The following PLAAT3 variants were observed in gnomAD, a reference collection of about 807,000 sequenced individuals.
PLAAT3 encodes Ca-independent phospholipase A1/2.
Under a neutral mutation model 16.7 loss-of-function variants are expected in PLAAT3, and 21 were observed. The ratio of observed to expected loss-of-function variants is 1.26; its 90% CI spans 0.89 to 1.81. PLAAT3 has a LOEUF of 1.81. Among genes scored for constraint, PLAAT3 ranks in the 40% most tolerant of loss-of-function variants. PLAAT3 has a pLI of 0.00. For missense variants in PLAAT3, 219 were observed against 213.7 expected (o/e 1.02, Z -0.16); for synonymous variants, 76 against 81.7 (o/e 0.93, Z 0.38).
chr11:63,612,589 A>C (rs1938720572), intron 2 of PLAAT3, among the ~76,000 whole-genome samples: 1 of 152,250 alleles, frequency 6.6e-6, no homozygotes, highest in South Asian at 2.1e-4. Context: ...CTGACCATGA[A>C]TATGCAAAGA....
At chr11:63,584,137 G>A (rs569312564) in intron 4 of PLAAT3, among the ~76,000 whole-genome samples, 185 of 152,152 alleles carry the variant, frequency 1.2e-3, no homozygotes, top group Non-Finnish European at 2.4e-3. Context: ...TAAAAATTTG[G>A]TTTCATTTAC....
In PLAAT3 at chr11:63,574,789, C is replaced by T. The variant is rs1453339485; in HGVS notation, c.*156G>A. ...CCAGGCAGTTCTTGCTGCACTTCCCCCAATAAAATCCTCCCTCGTTTTGCT... is the reference window on the plus strand; with the variant it reads ...CCAGGCAGTTCTTGCTGCACTTCCCTCAATAAAATCCTCCCTCGTTTTGCT... On this transcript the variant is annotated 3_prime_UTR_variant, in exon 5 of 5. Coordinates refer to ENST00000415826, the MANE Select transcript of PLAAT3 (RefSeq NM_001128203.2). 17 of 607,422 alleles carry T rather than the reference C, an allele frequency of 2.8e-5. No individual in the cohort carries two copies. Among genetic ancestry groups the T allele is most frequent in the Non-Finnish European group, 4.7e-5 (16 of 337,626 alleles). 37.6% of individuals were successfully genotyped at this position (607,422 alleles called of 1,614,324 possible). A position where few individuals can be genotyped will look rare whatever the true frequency, so the allele number is the denominator to read the frequency against.
intron 2 of PLAAT3, among the ~76,000 whole-genome samples, chr11:63,605,049 T>C (rs1350861632): frequency 1.3e-5 from 2 of 152,188 alleles, no homozygotes; most frequent in African/African-American, 2.4e-5. Context: ...ATGAGTATCT[T>C]TTAAGTTTAC....
At chr11:63,597,277 C>A (rs1172915561) in intron 3 of PLAAT3, among the ~76,000 whole-genome samples, 1 of 152,116 alleles carries the variant, frequency 6.6e-6, no homozygotes, top group Non-Finnish European at 1.5e-5. Context: ...GCAATCCCAG[C>A]ATTTTGGGAG....
rs1227168222 is a variant in PLAAT3, at chr11:63,603,731, CACACACACACACACACACACACAG to C, written c.16-5592_16-5569del. ...ACACACACACACACACACACACACA[CACACACACACACACACACACACAG>C]ACAGAGATATTAGAGAGAGTAAGGT... On this transcript the variant is annotated intron_variant, in intron 2 of 4. Coordinates refer to ENST00000415826, the MANE Select transcript of PLAAT3 (RefSeq NM_001128203.2). Among the ~76,000 whole-genome samples the C allele has an allele frequency of 8.1e-4, 114 of 140,632 alleles. 1 individual carries two copies. The South Asian group carries it at 0.023, about 28-fold the overall frequency. 92.3% of individuals were successfully genotyped at this position (140,632 alleles called of 152,430 possible).
chr11:63,601,395 AT>A (rs397937285), intron 2 of PLAAT3, among the ~76,000 whole-genome samples: 258 of 144,580 alleles, frequency 1.8e-3, no homozygotes, highest in East Asian at 6.9e-3. Context: ...AAAAGCTGTA[AT>A]TTTTTTTTTT....
At chr11:63,589,592 C>T (rs1938085293) in intron 4 of PLAAT3, among the ~76,000 whole-genome samples, 1 of 152,178 alleles carries the variant, frequency 6.6e-6, no homozygotes, top group Non-Finnish European at 1.5e-5. Flanking sequence ...AGGCTGAAGA[C>T]AGTGCTGTTT....
intron 2 of PLAAT3, among the ~76,000 whole-genome samples, chr11:63,604,330 T>C (rs1938505452): frequency 6.6e-6 from 1 of 152,110 alleles, no homozygotes; most frequent in Non-Finnish European, 1.5e-5. Flanking sequence ...ACTTTGACAA[T>C]AAAAATGTTA....
intron 2 of PLAAT3, among the ~76,000 whole-genome samples, chr11:63,601,819 T>C (rs1938438319): frequency 6.6e-6 from 1 of 150,738 alleles, no homozygotes; most frequent in African/African-American, 2.4e-5. Context: ...CTACCAAAAA[T>C]AAAAAAAATT....
chr11:63,605,099 C>A (rs984674932), intron 2 of PLAAT3, among the ~76,000 whole-genome samples: 3 of 151,994 alleles, frequency 2.0e-5, no homozygotes, highest in Admixed American at 2.0e-4. Flanking sequence ...AATTTTCAAA[C>A]GTTCAAAATT....
At chr11:63,583,300 C>T (rs150064958) in intron 4 of PLAAT3, among the ~76,000 whole-genome samples, 35 of 152,260 alleles carry the variant, frequency 2.3e-4, no homozygotes, top group African/African-American at 7.5e-4. Flanking sequence ...AGGGAACCTG[C>T]ATAAAATCAC....
rs957969914 is a variant in PLAAT3 at position 63,601,560 on chromosome 11, A to G, written c.16-3397T>C. Reference sequence around the variant, plus strand: ...TAAAAGACAGTGGGCTCACCTATGGAGCCCTACACACTAGTTAGGAGCAAG... The same window carrying G: ...TAAAAGACAGTGGGCTCACCTATGGGGCCCTACACACTAGTTAGGAGCAAG... On this transcript the variant is annotated intron_variant, in intron 2 of 4. Transcript: ENST00000415826. Among the ~76,000 whole-genome samples the G allele has an allele frequency of 4.6e-5, 7 of 152,186 alleles. No homozygotes were observed. The East Asian group carries it at 7.7e-4, about 17-fold the overall frequency.
At chr11:63,597,842 A>G (rs1938331462) in intron 3 of PLAAT3, among the ~76,000 whole-genome samples, 1 of 152,078 alleles carries the variant, frequency 6.6e-6, no homozygotes, top group Admixed American at 6.5e-5. Context: ...GAGGTTGGGG[A>G]CCCCTGCTCT....
At chr11:63,581,393 C>T (rs779153830) in intron 4 of PLAAT3, among the ~76,000 whole-genome samples, 30 of 152,236 alleles carry the variant, frequency 2.0e-4, no homozygotes, top group East Asian at 5.8e-4. Flanking sequence ...GGTCTATAGA[C>T]GGCCGCTCTG....
intron 4 of PLAAT3, among the ~76,000 whole-genome samples, chr11:63,578,961 C>G (rs1037200223): frequency 1.3e-5 from 2 of 151,778 alleles, no homozygotes; most frequent in Non-Finnish European, 2.9e-5. Flanking sequence ...GAAAATTTTT[C>G]CAATCTACTC....
intron 4 of PLAAT3, 113 bp downstream of exon 4, chr11:63,589,987 T>G: frequency 1.1e-6 from 1 of 907,980 alleles, no homozygotes; most frequent in South Asian, 1.5e-5. Flanking sequence ...TCAAGGGCAG[T>G]AATTCTGTCT....
chr11:63,592,498 T>C (rs906146926), intron 3 of PLAAT3, among the ~76,000 whole-genome samples: 1 of 152,094 alleles, frequency 6.6e-6, no homozygotes, highest in African/African-American at 2.4e-5. Context: ...TTTTAAAAAG[T>C]GAGTCTACTG....
upstream of PLAAT3, chr11:63,616,191 C>T (rs2134443075): frequency 6.6e-6 from 1 of 152,184 alleles, no homozygotes; most frequent in South Asian, 2.1e-4. Context: ...ATCTGGTGAA[C>T]TTATTCCTCT....
chr11:63,577,183 A>C (rs867716329), intron 4 of PLAAT3, among the ~76,000 whole-genome samples: 3 of 147,122 alleles, frequency 2.0e-5, no homozygotes, highest in African/African-American at 7.5e-5. Context: ...TTTTTTTTTT[A>C]ATCTTTGAGA....
Sources: gnomAD v4.1 joint callset for allele counts (sites outside exome capture counted in the v4.1 genomes callset) on GRCh38, gnomAD v4.1.1 for gene constraint, MANE v1.5 for transcripts, NCBI Gene and HGNC (gene_info 2026-07-23, HGNC 2026-07-21) for gene names.